The following CTBP2 variants were observed in gnomAD, a reference collection of about 807,000 sequenced individuals.
CTBP2 encodes the protein C-terminal-binding protein 2.
CTBP2 carries 30 observed loss-of-function variants against 80.3 expected under a neutral mutation model. The observed-to-expected ratio is 0.37, with a 90% CI of 0.28 to 0.51. The LOEUF (loss-of-function observed/expected upper bound fraction) is 0.51, where lower values mean the gene tolerates loss of function less well. Ranked by LOEUF, CTBP2 falls within the 20% of genes least tolerant of loss-of-function variation. The pLI, the probability that CTBP2 is intolerant of heterozygous loss-of-function variation, is 0.93. For synonymous variants in CTBP2, 594 were observed against 587.4 expected, an observed-to-expected ratio of 1.01 and a Z score of -0.16; for missense variants, 1,212 against 1,375.3, an observed-to-expected ratio of 0.88 and a Z score of 1.88.
At chr10:125,152,283 G>C (rs1386563721) in intron 1 of CTBP2, among the ~76,000 whole-genome samples, 1 of 152,220 alleles carries the variant, frequency 6.6e-6, no homozygotes, top group African/African-American at 2.4e-5. Context: ...CCTTGCAGCA[G>C]GGTGGGGCAC....
chr10:125,114,419 G>A (rs991671568), intron 1 of CTBP2, among the ~76,000 whole-genome samples: 24 of 152,070 alleles, frequency 1.6e-4, no homozygotes, highest in African/African-American at 5.8e-4. Flanking sequence ...AGATGGATTT[G>A]GGGGTGGGAG....
chr10:125,102,300 T>A (rs1044350529), intron 2 of CTBP2, among the ~76,000 whole-genome samples: 1 of 152,194 alleles, frequency 6.6e-6, no homozygotes, highest in Non-Finnish European at 1.5e-5. Context: ...CCTGTGCAAT[T>A]AGAATCATTA....
intron 2 of CTBP2, among the ~76,000 whole-genome samples, chr10:125,060,463 C>CGTGTGTGTGTGTGT (rs56032803): frequency 6.1e-5 from 9 of 147,968 alleles, no homozygotes; most frequent in South Asian, 2.2e-4. Context: ...ATTCCCCCCA[C>CGTGTGTGTGTGTGT]GTGTGTGTGT....
At chr10:125,147,452 C>T (rs532486876) in intron 1 of CTBP2, among the ~76,000 whole-genome samples, 1 of 152,326 alleles carries the variant, frequency 6.6e-6, no homozygotes, top group East Asian at 1.9e-4. Flanking sequence ...TAACATCCCA[C>T]AGACTAAAAT....
intron 1 of CTBP2, among the ~76,000 whole-genome samples, chr10:125,009,751 TCA>T (rs1955658454): frequency 6.6e-6 from 1 of 152,200 alleles, no homozygotes; most frequent in Non-Finnish European, 1.5e-5. Context: ...CAAGTGCCTC[TCA>T]GACACTTGGC....
Position 125,027,194 on chromosome 10 carries a change from T to C in CTBP2, c.566A>G (p.Tyr189Cys), listed in dbSNP as rs775525772. The C allele has an allele frequency of 1.2e-5, 19 of 1,609,066 alleles. No individual in the cohort carries two copies. Among genetic ancestry groups the C allele is most frequent in the South Asian group, 6.6e-5 (6 of 91,004 alleles). ...CCTGGTGTCGGGCTGCTCCCGTCCA[T>C]ACCGCCCGGGAGATGCAGCCCTGCT... Residue 189 changes from tyrosine (Y) to cysteine (C), a missense_variant, in exon 1 of 9, where the codon TAT becomes TGT. By Grantham distance (194) the Tyr-to-Cys change is radical. Transcript: ENST00000309035.
In CTBP2 at chr10:124,988,726, G is replaced by A. The variant is rs1952186396; in HGVS notation, c.*792C>T. On this transcript the variant is annotated 3_prime_UTR_variant, in exon 9 of 9. Transcript: ENST00000309035. ...AAGTGGGTTTGTTCATAGACAATCT[G>A]ACAAGTTACCATAAAAAGTGTTTCC... 1 of 152,596 alleles carries A rather than the reference G, an allele frequency of 6.6e-6. No individual in the cohort carries two copies. Among genetic ancestry groups the A allele is most frequent in the African/African-American group, 2.4e-5 (1 of 41,432 alleles). The allele number at this position is 152,596 out of a possible 1,614,324, so 9.5% of individuals were successfully genotyped here. A position where few individuals can be genotyped will look rare whatever the true frequency, so the allele number is the denominator to read the frequency against.
chr10:125,098,724 C>CAGAGAGAGAGAGAGAGAGAGAG (rs1564914318), intron 2 of CTBP2, among the ~76,000 whole-genome samples: 1 of 75,668 alleles, frequency 1.3e-5, no homozygotes, highest in Non-Finnish European at 2.4e-5. Context: ...GAGAGAGAGA[C>CAGAGAGAGAGAGAGAGAGAGAG]AGAGAGAGAG....
At chr10:125,018,908 T>C (rs554761697) in intron 1 of CTBP2, among the ~76,000 whole-genome samples, 78 of 152,334 alleles carry the variant, frequency 5.1e-4, no homozygotes, top group African/African-American at 9.4e-4. Context: ...CCATGTCCCA[T>C]TGACATTTGC....
chr10:125,120,422 T>C (rs1854122481), intron 1 of CTBP2, among the ~76,000 whole-genome samples: 1 of 152,262 alleles, frequency 6.6e-6, no homozygotes, highest in Admixed American at 6.5e-5. Flanking sequence ...AGTCTCACCC[T>C]GTTGCCCAGG....
chr10:125,009,392 C>T (rs1955615661), intron 1 of CTBP2, among the ~76,000 whole-genome samples: 1 of 152,154 alleles, frequency 6.6e-6, no homozygotes, highest in Admixed American at 6.5e-5. Context: ...CAAAACCACA[C>T]AAACTCCAGA....
intron 1 of CTBP2, among the ~76,000 whole-genome samples, chr10:125,154,117 A>G (rs536090077): frequency 2.2e-4 from 34 of 152,380 alleles, no homozygotes; most frequent in African/African-American, 7.9e-4. Context: ...TAATGCAAGA[A>G]GCACATTTCT....
At chr10:125,065,978 G>A (rs1844561968) in intron 2 of CTBP2, among the ~76,000 whole-genome samples, 1 of 151,606 alleles carries the variant, frequency 6.6e-6, no homozygotes, top group Non-Finnish European at 1.5e-5. Flanking sequence ...GCATGCGCCT[G>A]TAATCCCAGC....
intron 1 of CTBP2, among the ~76,000 whole-genome samples, chr10:125,134,662 G>A (rs534750034): frequency 3.9e-5 from 6 of 152,202 alleles, no homozygotes; most frequent in South Asian, 4.1e-4. Flanking sequence ...CCCCAGACAC[G>A]CGGCGCGGGA....
upstream of CTBP2, among the ~76,000 whole-genome samples, chr10:125,031,108 C>A (rs1266070093): frequency 1.3e-5 from 2 of 152,186 alleles, no homozygotes; most frequent in African/African-American, 4.8e-5. Context: ...ATGGCATACC[C>A]ATTTCCTGCT....
At chr10:125,109,775 G>A (rs1380156020) in intron 2 of CTBP2, among the ~76,000 whole-genome samples, 3 of 152,250 alleles carry the variant, frequency 2.0e-5, no homozygotes, top group Non-Finnish European at 4.4e-5. Context: ...AAAGGGTGGG[G>A]AGGGTCCTGG....
rs772405199 is a variant in CTBP2 at position 125,027,733 on chromosome 10, A to G, written c.27T>C (p.Asn9=). The G allele has an allele frequency of 6.9e-6, 11 of 1,603,474 alleles. No homozygotes were observed. In the East Asian group the frequency reaches 2.5e-4, roughly 36 times the overall value. ...CATCCCAGCTCTGAGAACGACCAAT[A>G]TTTATATGCCTGCTGGGAACTGGCA... The change falls in exon 1 of 9, where the codon AAT becomes AAC. Residue 9 remains asparagine (N), a synonymous_variant. Coordinates refer to ENST00000309035, the MANE Select transcript of CTBP2 (RefSeq NM_022802.3).
chr10:125,109,102 A>G (rs1242209285), intron 2 of CTBP2, among the ~76,000 whole-genome samples: 1 of 152,260 alleles, frequency 6.6e-6, no homozygotes, highest in East Asian at 1.9e-4. Flanking sequence ...GAGTCAAATG[A>G]AAGTGTCCTC....
In CTBP2 at chr10:124,989,198, C is replaced by T; in HGVS notation, c.*320G>A. On this transcript the variant is annotated 3_prime_UTR_variant, in exon 9 of 9. Coordinates refer to ENST00000309035, the MANE Select transcript of CTBP2 (RefSeq NM_022802.3). Reference sequence around the variant, plus strand: ...ATGCAACATTGTAGAGCAGGGTGTTCAGGACCTGCTGTGCCCAAGGGACTG... The same window carrying T: ...ATGCAACATTGTAGAGCAGGGTGTTTAGGACCTGCTGTGCCCAAGGGACTG... The T allele has an allele frequency of 3.0e-6, 1 of 332,886 alleles. No homozygotes were observed. The highest frequency in any genetic ancestry group is 5.7e-6 in the Non-Finnish European group (1 of 175,466). 20.6% of individuals were successfully genotyped at this position (332,886 alleles called of 1,614,324 possible). A position where few individuals can be genotyped will look rare whatever the true frequency, so the allele number is the denominator to read the frequency against.
Sources: allele counts gnomAD v4.1 joint callset (sites outside exome capture counted in the v4.1 genomes callset), GRCh38; gene constraint gnomAD v4.1.1; transcripts MANE v1.5; gene names NCBI Gene and HGNC (gene_info 2026-07-23, HGNC 2026-07-21).